HGSNAT: variants seen among roughly 807,000 people sequenced by gnomAD.
HGSNAT encodes heparan-alpha-glucosaminide N-acetyltransferase, also known as transmembrane protein 76.
Under a neutral mutation model 85.2 loss-of-function variants are expected in HGSNAT, and 59 were observed. That is an observed-to-expected ratio of 0.69 (90% CI 0.56 to 0.86). The LOEUF (loss-of-function observed/expected upper bound fraction) is 0.86. Ranked by LOEUF, HGSNAT falls within the 40% of genes least tolerant of loss-of-function variation. The pLI is 0.00. For missense variants in HGSNAT, 756 were observed against 777.1 expected (o/e 0.97, Z 0.32); for synonymous variants, 321 against 304.5 (o/e 1.05, Z -0.56).
chr8:43,196,423 T>C, intron 14 of HGSNAT: 1 of 1,287,774 alleles, frequency 7.8e-7, no homozygotes. Flanking sequence ...CCGGTCCCTC[T>C]TCCTAGTGCT....
chr8:43,172,320 A>G lies in HGSNAT; in HGVS notation c.754A>G (p.Ile252Val). ...GTTGGCTTCTTCTAGGATTGCTCTTATACTCATGGTCTTTGTCAATTATGG... is the reference window on the plus strand; with the variant it reads ...GTTGGCTTCTTCTAGGATTGCTCTTGTACTCATGGTCTTTGTCAATTATGG... ...SVDTFRGIAL[I>V]LMVFVNYGGG... The change falls in exon 8 of 18, where the codon ATA becomes GTA. Residue 252 changes from isoleucine (I) to valine (V), a missense_variant. Ile to Val is a conservative substitution (Grantham distance 29). Coordinates refer to ENST00000379644, the MANE Select transcript of HGSNAT (RefSeq NM_152419.3). 6.2e-7 allele frequency: 1 copy of G among 1,611,234 alleles called. No homozygotes were observed. The highest frequency in any genetic ancestry group is 8.5e-7 in the Non-Finnish European group (1 of 1,177,342).
At chr8:43,194,130 G>T in intron 14 of HGSNAT, 1 of 1,162,512 alleles carries the variant, frequency 8.6e-7, no homozygotes, top group Non-Finnish European at 1.1e-6. Context: ...AGCTGCAGTG[G>T]CTCATGCCTA....
chr8:43,189,294 C>G (rs995226447), intron 11 of HGSNAT, among the ~76,000 whole-genome samples: 2 of 152,186 alleles, frequency 1.3e-5, no homozygotes, highest in Non-Finnish European at 2.9e-5. Flanking sequence ...AGTTCAAGCT[C>G]CCCACCTGCT....
chr8:43,164,942 C>T (rs946829669), intron 5 of HGSNAT, among the ~76,000 whole-genome samples: 1 of 151,566 alleles, frequency 6.6e-6, no homozygotes, highest in African/African-American at 2.4e-5. Flanking sequence ...ACAGTCAGAA[C>T]ATACTCAACG....
intron 17 of HGSNAT, among the ~76,000 whole-genome samples, chr8:43,199,181 G>A (rs564053848): frequency 6.6e-6 from 1 of 152,200 alleles, no homozygotes; most frequent in African/African-American, 2.4e-5. Flanking sequence ...GATTATAGTC[G>A]TGAGCCACTA....
chr8:43,177,231 AG>A (rs1803839714), intron 9 of HGSNAT, among the ~76,000 whole-genome samples: 1 of 152,098 alleles, frequency 6.6e-6, no homozygotes, highest in Admixed American at 6.5e-5. Flanking sequence ...TAGAAAAATC[AG>A]TATTCTAACT....
At chr8:43,165,085 T>A (rs1803392250) in intron 5 of HGSNAT, among the ~76,000 whole-genome samples, 1 of 150,022 alleles carries the variant, frequency 6.7e-6, no homozygotes, top group South Asian at 2.1e-4. Flanking sequence ...AGAGATGAAG[T>A]TCTCACTGTG....
intron 2 of HGSNAT, among the ~76,000 whole-genome samples, chr8:43,154,311 A>G (rs1048515428): frequency 6.6e-6 from 1 of 151,710 alleles, no homozygotes; most frequent in Non-Finnish European, 1.5e-5. Context: ...ATCATTTAAC[A>G]TTAGGTATAT....
At chr8:43,190,798 C>A (rs970226576) in intron 11 of HGSNAT, among the ~76,000 whole-genome samples, 5 of 152,232 alleles carry the variant, frequency 3.3e-5, no homozygotes, top group Middle Eastern at 3.4e-3. Flanking sequence ...TGAAAGTGTA[C>A]AATTTGATGA....
Position 43,197,340 on chromosome 8 carries a change from A to G in HGSNAT, c.1542+315A>G. ...GGGCAAATCAGACCAGGTTGCAGAC[A>G]TCAACTTCCAGATTATATGGGAAAG... On this transcript the variant is annotated intron_variant, in intron 15 of 17. Coordinates refer to ENST00000379644, the MANE Select transcript of HGSNAT (RefSeq NM_152419.3). 3 of 526,638 alleles carry G rather than the reference A, an allele frequency of 5.7e-6. No homozygotes were observed. The East Asian group carries it at 9.7e-5, about 17-fold the overall frequency. 32.6% of individuals were successfully genotyped at this position (526,638 alleles called of 1,614,324 possible). A position where few individuals can be genotyped will look rare whatever the true frequency, so the allele number is the denominator to read the frequency against.
chr8:43,187,101 AG>A (rs1381804768), intron 11 of HGSNAT, among the ~76,000 whole-genome samples: 3 of 152,212 alleles, frequency 2.0e-5, no homozygotes, highest in African/African-American at 7.2e-5. Flanking sequence ...TGTGGTGCTG[AG>A]AAGAATGTAT....
At chr8:43,162,545 C>T (rs193114049) in intron 5 of HGSNAT, among the ~76,000 whole-genome samples, 5 of 150,948 alleles carry the variant, frequency 3.3e-5, no homozygotes, top group Admixed American at 1.3e-4. Flanking sequence ...GTAAATGGAT[C>T]TATTATGGAT....
At chr8:43,199,082 G>A (rs1317444583) in intron 17 of HGSNAT, among the ~76,000 whole-genome samples, 1 of 152,090 alleles carries the variant, frequency 6.6e-6, no homozygotes, top group Non-Finnish European at 1.5e-5. Context: ...TGTATTTTTA[G>A]TAGAGACGGG....
intron 14 of HGSNAT, chr8:43,196,521 G>A: frequency 7.7e-7 from 1 of 1,290,348 alleles, no homozygotes. Context: ...CTGGAAGTAA[G>A]AGCCACGGAG....
intron 2 of HGSNAT, among the ~76,000 whole-genome samples, chr8:43,149,272 G>A (rs1346619036): frequency 6.6e-6 from 1 of 151,996 alleles, no homozygotes; most frequent in East Asian, 1.9e-4. Flanking sequence ...AATCATAGTG[G>A]TAGAAAATAT....
chr8:43,172,099 G>C (rs1300297037), intron 7 of HGSNAT, among the ~76,000 whole-genome samples: 1 of 152,228 alleles, frequency 6.6e-6, no homozygotes, highest in Non-Finnish European at 1.5e-5. Flanking sequence ...GGCAGTGTTG[G>C]CAATGGTCCT....
At chr8:43,175,518 GTCT>G (rs1252099702) in intron 9 of HGSNAT, among the ~76,000 whole-genome samples, 1 of 130,332 alleles carries the variant, frequency 7.7e-6, no homozygotes, top group East Asian at 2.4e-4. Flanking sequence ...CCATTTGGAT[GTCT>G]TCTTTTGAGA....
At chr8:43,196,328 C>A in intron 14 of HGSNAT, 1 of 445,250 alleles carries the variant, frequency 2.2e-6, no homozygotes, top group African/African-American at 2.0e-5. Flanking sequence ...TACCTAATTT[C>A]AGAGGGATTG....
chr8:43,149,905 G>A lies in HGSNAT; in HGVS notation c.234+2842G>A, dbSNP rs774592242. ...TACTAGCTGAGTTGAAGAATTTCCT[G>A]TTCTGTTTCCCTCTTTATCTCACTT... On this transcript the variant is annotated intron_variant, in intron 2 of 17. Coordinates refer to ENST00000379644, the MANE Select transcript of HGSNAT (RefSeq NM_152419.3). Among the ~76,000 whole-genome samples the A allele has an allele frequency of 6.0e-4, 91 of 151,956 alleles. 4 individuals carry two copies. Among genetic ancestry groups the A allele is most frequent in the Admixed American group, 3.3e-4 (5 of 15,246 alleles).
Sources: allele counts gnomAD v4.1 joint callset (sites outside exome capture counted in the v4.1 genomes callset), GRCh38; gene constraint gnomAD v4.1.1; transcripts MANE v1.5; gene names NCBI Gene and HGNC (gene_info 2026-07-23, HGNC 2026-07-21).